The following HELZ2 variants were observed in gnomAD, a reference collection of about 807,000 sequenced individuals.
The protein encoded by HELZ2 is helicase with zinc finger 2.
HELZ2 carries 143 observed loss-of-function variants against 208.8 expected under a neutral mutation model. The ratio of observed to expected loss-of-function variants is 0.68; its 90% CI spans 0.60 to 0.79. HELZ2 has a LOEUF of 0.79. Among genes scored for constraint, HELZ2 ranks in the 30% least tolerant of loss-of-function variants. The pLI, the probability that HELZ2 is intolerant of heterozygous loss-of-function variation, is 0.00. For missense variants in HELZ2, 3,690 were observed against 3,794.5 expected, an observed-to-expected ratio of 0.97 and a Z score of 0.72; for synonymous variants, 1,705 against 1,693.7, an observed-to-expected ratio of 1.01 and a Z score of -0.16.
exon 8 of HELZ2, chr20:63,564,580 G>A (rs45463297): frequency 0.052 from 82,079 of 1,568,142 alleles, 2,664 homozygotes; most frequent in Middle Eastern, 0.12. Context: ...GGCTGAGGAC[G>A]TCCTGGCAGA....
At chr20:63,564,181 C>G in exon 8 of HELZ2, 1 of 1,611,678 alleles carries the variant, frequency 6.2e-7, no homozygotes, top group Non-Finnish European at 8.5e-7. Context: ...GCGTGACCGT[C>G]CGCGTGCACT....
chr20:63,567,922 G>A, intron 5 of HELZ2: 2 of 585,560 alleles, frequency 3.4e-6, no homozygotes, highest in Non-Finnish European at 3.0e-6. Flanking sequence ...TATGGCCACT[G>A]TCCCAGGCTC....
In HELZ2 at chr20:63,569,428, G is replaced by C. The variant is rs781470182; in HGVS notation, c.808C>G (p.Gln270Glu). 6.8e-6 allele frequency: 11 copies of C among 1,608,426 alleles called. No individual in the cohort carries two copies. The African/African-American group carries it at 1.1e-4, about 16-fold the overall frequency. Residue 270 changes from glutamine (Q) to glutamate (E), a missense_variant, in exon 4 of 19, where the codon CAG becomes GAG. Physicochemically the swap from Gln to Glu is conservative, Grantham distance 29. This residue lies in a region of HELZ2 where 1,119 missense variants were observed against 1,193.4 expected (regional missense o/e 0.94). Transcript: ENST00000467148. ...CCTGGGCGACGCCCCTGGCCCAGCTGCAGCCCCAGCTTTTGTAGCAGCACC... is the reference window on the plus strand; with the variant it reads ...CCTGGGCGACGCCCCTGGCCCAGCTCCAGCCCCAGCTTTTGTAGCAGCACC...
At chr20:63,562,018 C>T in intron 10 of HELZ2, 34 bp from the exon 12 acceptor site, 1 of 1,597,740 alleles carries the variant, frequency 6.3e-7, no homozygotes, top group African/African-American at 1.3e-5. Flanking sequence ...GTAGCCCACC[C>T]TGTGGGTCCC....
At chr20:63,572,676 C>T (rs6089927), upstream of HELZ2, 5 of 402,176 alleles carry the variant, frequency 1.2e-5, no homozygotes, top group South Asian at 5.6e-5. Context: ...GTAAGGATGG[C>T]GTCGGCCGCC....
exon 9 of HELZ2, chr20:63,562,369 C>G: frequency 6.3e-7 from 1 of 1,589,726 alleles, no homozygotes; most frequent in Non-Finnish European, 8.5e-7. Context: ...CCACGCACGG[C>G]TTCCTCCTTG....
chr20:63,560,667 CCA>C lies in HELZ2; in HGVS notation c.7310_7311del (p.Val2437GlyfsTer51). The stretch of plus-strand genomic sequence containing the variant: ...GTCTTCAGCTTGCTCTTGTAGAACG[CCA>C]CAGAGGGGAAGGCACAGATGCCCTC... On this transcript the variant is annotated frameshift_variant, in exon 16 of 19. Transcript: ENST00000467148. LOFTEE classifies it high-confidence loss of function. 1 of 1,609,488 alleles carries C rather than the reference CCA, an allele frequency of 6.2e-7. No homozygotes were observed. Among genetic ancestry groups the C allele is most frequent in the Non-Finnish European group, 8.5e-7 (1 of 1,179,970 alleles).
chr20:63,568,599 C>T (rs538444081), exon 5 of HELZ2: 14 of 1,596,960 alleles, frequency 8.8e-6, no homozygotes, highest in African/African-American at 2.7e-5. Flanking sequence ...GTGGGCAAGT[C>T]GGGCACCACC....
At chr20:63,565,303 C>T (rs1373380455) in exon 8 of HELZ2, 8 of 1,606,028 alleles carry the variant, frequency 5.0e-6, no homozygotes, top group Non-Finnish European at 6.8e-6. Flanking sequence ...GGAGCTGCAC[C>T]AGCACCTCAT....
chr20:63,558,932 C>T, downstream of HELZ2: 1 of 266,874 alleles, frequency 3.7e-6, no homozygotes. Flanking sequence ...GGTCAAAGGG[C>T]AGCCTCCACA....
chr20:63,563,375 G>T, exon 8 of HELZ2: 1 of 1,537,208 alleles, frequency 6.5e-7, no homozygotes. Context: ...GTGTGGGTCC[G>T]GCACAGTGCC....
At chr20:63,564,409 G>C in exon 8 of HELZ2, 2 of 1,545,400 alleles carry the variant, frequency 1.3e-6, no homozygotes, top group South Asian at 1.2e-5. Context: ...GCTCACGGCC[G>C]GCACCCGGGT....
At chr20:63,570,783 C>T (rs756290465) in exon 2 of HELZ2, 11 of 1,611,072 alleles carry the variant, frequency 6.8e-6, no homozygotes, top group African/African-American at 4.0e-5. Context: ...CGCAGCTCCA[C>T]AGCCTGCGTG....
rs750876764 is a variant in HELZ2, at chr20:63,570,877, C to A, written c.279-9G>T. On this transcript the variant is annotated splice_polypyrimidine_tract_variant and intron_variant, in intron 1 of 18. Transcript: ENST00000467148. Reference sequence around the variant, plus strand: ...ACTCACAGAGGTCAGGCCTGGGGGACAGGGAGGTCAGCAGGGCTACACAGA... The same window carrying A: ...ACTCACAGAGGTCAGGCCTGGGGGAAAGGGAGGTCAGCAGGGCTACACAGA... The A allele has an allele frequency of 6.3e-7, 1 of 1,576,320 alleles. No individual in the cohort carries two copies. Among genetic ancestry groups the A allele is most frequent in the Admixed American group, 1.8e-5 (1 of 56,742 alleles).
rs367742814 is a variant in HELZ2, at chr20:63,569,412, C to T, written c.824G>A (p.Arg275His). Residue 275 changes from arginine (R) to histidine (H), a missense_variant, in exon 4 of 19, where the codon CGT becomes CAT. Physicochemically the swap from Arg to His is conservative, Grantham distance 29. Transcript: ENST00000467148. ...CAGATTCCTGCAGGGTCCTGGGCGA[C>T]GCCCCTGGCCCAGCTGCAGCCCCAG... 1.9e-5 allele frequency: 31 copies of T among 1,608,144 alleles called. No individual in the cohort carries two copies. In the African/African-American group the frequency reaches 2.7e-4, roughly 14 times the overall value.
intron 5 of HELZ2, 153 bp downstream of exon 6, chr20:63,568,205 G>C: frequency 1.5e-6 from 1 of 667,686 alleles, no homozygotes; most frequent in Non-Finnish European, 2.6e-6. Context: ...TCGGTGCCCT[G>C]AGCTGGGCCT....
In HELZ2 at chr20:63,570,856, A is replaced by G. The variant is rs182542068; in HGVS notation, c.291T>C (p.Cys97=). ...CCTTGGTGCAGGCGTCCCCATACTC[A>G]CAGAGGTCAGGCCTGGGGGACAGGG... is the stretch of plus-strand genomic sequence containing the variant. Residue 97 remains cysteine, a synonymous_variant, in exon 2 of 19, where the codon TGT becomes TGC. Coordinates refer to ENST00000467148, the Ensembl canonical transcript of HELZ2. The G allele has an allele frequency of 2.2e-5, 35 of 1,593,844 alleles. 1 individual carries two copies. The African/African-American group carries it at 3.2e-4, about 15-fold the overall frequency.
chr20:63,561,164 CTCA>C (rs1389769201), exon 14 of HELZ2: 2 of 1,613,100 alleles, frequency 1.2e-6, no homozygotes, highest in Non-Finnish European at 1.7e-6. Flanking sequence ...AAGGATCTGC[CTCA>C]CGTCCAGGAT....
At chr20:63,570,649 C>CG in intron 2 of HELZ2, 36 bp downstream of exon 3, 1 of 1,212,500 alleles carries the variant, frequency 8.2e-7, no homozygotes, top group Non-Finnish European at 1.2e-6. Flanking sequence ...AGGCCTGGAC[C>CG]CCACCCCACC....
Sources: gnomAD v4.1 joint callset for allele counts on GRCh38, gnomAD v4.1.1 for gene constraint, gnomAD v4.1.1 regional missense constraint, MANE v1.5 for transcripts, NCBI Gene and HGNC (gene_info 2026-07-23, HGNC 2026-07-21) for gene names.